Variants in CDH2 observed in about 807,000 individuals in gnomAD.
CDH2 encodes the protein cadherin-2.
Under a neutral mutation model 92.0 loss-of-function variants are expected in CDH2, and 17 were observed. The ratio of observed to expected loss-of-function variants is 0.18; its 90% CI spans 0.13 to 0.28. The LOEUF (loss-of-function observed/expected upper bound fraction) is 0.28, where lower values mean the gene tolerates loss of function less well. Ranked by LOEUF, CDH2 falls within the 10% of genes least tolerant of loss-of-function variation. The probability of loss-of-function intolerance (pLI) is 1.00; values close to 1 mark genes in which losing one functional copy is unlikely to be tolerated. For synonymous variants in CDH2, 419 were observed against 415.9 expected, an observed-to-expected ratio of 1.01 and a Z score of -0.09; for missense variants, 862 against 1,133.1, an observed-to-expected ratio of 0.76 and a Z score of 3.44.
At chr18:27,980,836 A>C (rs368127255) in intron 14 of CDH2, among the ~76,000 whole-genome samples, 7 of 151,996 alleles carry the variant, frequency 4.6e-5, no homozygotes, top group East Asian at 1.9e-4. Flanking sequence ...AAAGCCAACA[A>C]GCTTCAGAGA....
intron 2 of CDH2, among the ~76,000 whole-genome samples, chr18:28,023,825 T>C (rs1030976171): frequency 2.0e-5 from 3 of 152,202 alleles, no homozygotes; most frequent in African/African-American, 7.2e-5. Context: ...ACGTTGTCAC[T>C]ACGATGTGTG....
chr18:27,949,830 T>A (rs1909367404), downstream of CDH2, among the ~76,000 whole-genome samples: 1 of 151,790 alleles, frequency 6.6e-6, no homozygotes, highest in Non-Finnish European at 1.5e-5. Flanking sequence ...AAATTAATAT[T>A]TATATTTATT....
At chr18:28,038,422 AGTGTGTGT>A (rs57601293) in intron 2 of CDH2, among the ~76,000 whole-genome samples, 7,042 of 142,348 alleles carry the variant, frequency 0.049, 215 homozygotes, top group Non-Finnish European at 0.072. Context: ...CCTTGTCTCA[AGTGTGTGT>A]GTGTGTGTGT....
intron 2 of CDH2, among the ~76,000 whole-genome samples, chr18:28,060,330 C>T (rs977469026): frequency 6.6e-5 from 10 of 152,040 alleles, no homozygotes; most frequent in Admixed American, 1.3e-4. Flanking sequence ...GGACTACAGG[C>T]GCGTGCTACC....
At chr18:28,175,328 T>G (rs2016521362) in intron 1 of CDH2, among the ~76,000 whole-genome samples, 1 of 150,828 alleles carries the variant, frequency 6.6e-6, no homozygotes, top group Non-Finnish European at 1.5e-5. Context: ...GGATGGCGAG[T>G]GGGGGAAGGG....
At chr18:28,169,325 C>T (rs1052856694) in intron 1 of CDH2, among the ~76,000 whole-genome samples, 3 of 151,950 alleles carry the variant, frequency 2.0e-5, no homozygotes, top group African/African-American at 4.8e-5. Context: ...CAACCTTTAA[C>T]GAAAGCAGTA....
chr18:28,012,747 T>C (rs1318555569), intron 3 of CDH2, among the ~76,000 whole-genome samples: 1 of 152,156 alleles, frequency 6.6e-6, no homozygotes, highest in African/African-American at 2.4e-5. Flanking sequence ...CAACAGTTAA[T>C]AGATTAACAA....
At chr18:27,998,042 G>A (rs1271528376) in intron 7 of CDH2, among the ~76,000 whole-genome samples, 8 of 152,140 alleles carry the variant, frequency 5.3e-5, no homozygotes, top group South Asian at 2.1e-4. Context: ...TCCTGACCTC[G>A]TGATCCGCCC....
intron 14 of CDH2, among the ~76,000 whole-genome samples, chr18:27,964,063 A>G (rs9961332): frequency 0.19 from 28,439 of 152,100 alleles, 2,956 homozygotes; most frequent in East Asian, 0.41. Flanking sequence ...TTACATTTTT[A>G]AAAAGTTACT....
rs1555649217 is a variant in CDH2, at chr18:28,177,051, C to CAGA, written c.-30_-29insTCT. The CAGA allele has an allele frequency of 1.4e-6, 2 of 1,471,606 alleles. No individual in the cohort carries two copies. Among genetic ancestry groups the CAGA allele is most frequent in the African/African-American group, 3.1e-5 (2 of 65,464 alleles). 91.2% of individuals were successfully genotyped at this position (1,471,606 alleles called of 1,614,324 possible). ...GGCGGAGAGGGGCCGAGCGAAGAGC[C>CAGA]GGAGGAGGCGGCGGCGGCGGCGGCG... On this transcript the variant is annotated 5_prime_UTR_variant, in exon 1 of 16. Coordinates refer to ENST00000269141, the MANE Select transcript of CDH2 (RefSeq NM_001792.5).
At chr18:27,987,149 T>C (rs1015835941) in intron 11 of CDH2, among the ~76,000 whole-genome samples, 1 of 152,170 alleles carries the variant, frequency 6.6e-6, no homozygotes, top group Non-Finnish European at 1.5e-5. Flanking sequence ...CCAATATACA[T>C]ACATACATAC....
intron 1 of CDH2, among the ~76,000 whole-genome samples, chr18:28,161,130 T>A (rs577327911): frequency 1.3e-5 from 2 of 152,170 alleles, no homozygotes; most frequent in Non-Finnish European, 2.9e-5. Flanking sequence ...TATCAGTCCA[T>A]CCCTCACATA....
intron 15 of CDH2, among the ~76,000 whole-genome samples, chr18:27,962,163 A>ATAAC (rs1327275954): frequency 2.0e-5 from 3 of 152,216 alleles, no homozygotes; most frequent in African/African-American, 4.8e-5. Flanking sequence ...GGATCTATAT[A>ATAAC]TAACTAAGAG....
chr18:28,071,294 C>T (rs17494318), intron 2 of CDH2, among the ~76,000 whole-genome samples: 165 of 152,122 alleles, frequency 1.1e-3, no homozygotes, highest in African/African-American at 3.5e-3. Context: ...ACGTATGTGC[C>T]GGTTCCTAAA....
At chr18:28,070,219 A>G (rs2014589951) in intron 2 of CDH2, among the ~76,000 whole-genome samples, 1 of 152,218 alleles carries the variant, frequency 6.6e-6, no homozygotes, top group Admixed American at 6.5e-5. Flanking sequence ...AAAAAGTTGC[A>G]TAGAAAGTAT....
rs983293880 is a variant in CDH2 at position 28,021,361 on chromosome 18, A to G, written c.173-7452T>C. 3.3e-5 allele frequency among the ~76,000 whole-genome samples: 5 copies of G among 151,936 alleles called. No individual in the cohort carries two copies. The East Asian group carries it at 9.6e-4, about 29-fold the overall frequency. On this transcript the variant is annotated intron_variant, in intron 2 of 15. Transcript: ENST00000269141. The stretch of plus-strand genomic sequence containing the variant: ...TCTCAAGTAGAAACTCCAGAATATC[A>G]TAACATGGGAAAAAAGAAAATACGC...
In CDH2 at chr18:28,047,168, T is replaced by C. The variant is rs571546304; in HGVS notation, c.173-33259A>G. 2.6e-5 allele frequency among the ~76,000 whole-genome samples: 4 copies of C among 152,276 alleles called. No individual in the cohort carries two copies. The Middle Eastern group carries it at 0.014, about 518-fold the overall frequency. On this transcript the variant is annotated intron_variant, in intron 2 of 15. Transcript: ENST00000269141. ...CTTCCATAGGAAGCAGATTTTTAGC[T>C]GTAGAGAAGCAACTAAGTTACAAAA...
At position 27,951,324 on chromosome 18, in the gene CDH2, A is replaced by ATACTT. The variant is rs1346006703; in HGVS notation, c.*824_*828dup. 2.6e-4 allele frequency: 39 copies of ATACTT among 152,642 alleles called. No homozygotes were observed. Among genetic ancestry groups the ATACTT allele is most frequent in the Middle Eastern group, 3.4e-3 (1 of 294 alleles). 9.5% of individuals were successfully genotyped at this position (152,642 alleles called of 1,614,324 possible). On this transcript the variant is annotated 3_prime_UTR_variant, in exon 16 of 16. Transcript: ENST00000269141. ...TGAATCAAATGTCACTGTTTTGTAA[A>ATACTT]TACTTTATCCATAACGAAAGATATA...
chr18:28,132,840 T>C (rs2015794845), intron 2 of CDH2, among the ~76,000 whole-genome samples: 2 of 152,188 alleles, frequency 1.3e-5, no homozygotes, highest in African/African-American at 4.8e-5. Flanking sequence ...CATAACTGCT[T>C]AATTCTCCTG....
Sources: allele counts gnomAD v4.1 joint callset (sites outside exome capture counted in the v4.1 genomes callset), GRCh38; gene constraint gnomAD v4.1.1; transcripts MANE v1.5; gene names NCBI Gene and HGNC (gene_info 2026-07-23, HGNC 2026-07-21).